The following LRBA variants were observed in gnomAD, a reference collection of about 807,000 sequenced individuals.
LRBA encodes LPS responsive beige-like anchor protein.
Under a neutral mutation model 330.0 loss-of-function variants are expected in LRBA, and 176 were observed. The observed-to-expected ratio is 0.53, with a 90% CI of 0.47 to 0.60. LRBA has a LOEUF of 0.60. Ranked by LOEUF, LRBA falls within the 20% of genes least tolerant of loss-of-function variation. The pLI is 0.00. For missense variants in LRBA, 3,259 were observed against 3,444.8 expected (o/e 0.95, Z 1.35); for synonymous variants, 1,230 against 1,193.0 (o/e 1.03, Z -0.64).
intron 41 of LRBA, 32 bp from the exon 42 acceptor site, chr4:150,487,866 CA>C (rs1340400900): frequency 8.1e-7 from 1 of 1,235,244 alleles, no homozygotes; most frequent in African/African-American, 1.5e-5. Context: ...AATTAGAACA[CA>C]GTATAACTTC....
At chr4:150,735,625 T>C (rs915128551) in intron 35 of LRBA, among the ~76,000 whole-genome samples, 2 of 152,218 alleles carry the variant, frequency 1.3e-5, no homozygotes, top group Admixed American at 6.5e-5. Context: ...AAGTTGTGTT[T>C]TAATCTTTTA....
chr4:150,959,125 G>A (rs528757572), intron 2 of LRBA, among the ~76,000 whole-genome samples: 2 of 149,464 alleles, frequency 1.3e-5, no homozygotes, highest in South Asian at 2.1e-4. Context: ...GAGGATTAAC[G>A]GACTCACAGT....
At chr4:150,434,368 C>T (rs550981551) in intron 46 of LRBA, among the ~76,000 whole-genome samples, 1 of 152,220 alleles carries the variant, frequency 6.6e-6, no homozygotes, top group African/African-American at 2.4e-5. Flanking sequence ...ATCTTTCATG[C>T]ATATAGATAG....
At chr4:150,942,808 ACTAT>A (rs1386482463) in intron 2 of LRBA, among the ~76,000 whole-genome samples, 2 of 152,150 alleles carry the variant, frequency 1.3e-5, no homozygotes, top group African/African-American at 2.4e-5. Flanking sequence ...TACAAATCAG[ACTAT>A]CTGACTCATA....
At chr4:150,639,767 A>ATGTG (rs1477879841) in intron 37 of LRBA, among the ~76,000 whole-genome samples, 98 of 6,756 alleles carry the variant, frequency 0.015, 6 homozygotes, top group African/African-American at 0.036. Flanking sequence ...ATATATATAT[A>ATGTG]TATATATATA....
chr4:150,443,615 C>A (rs995236993), intron 44 of LRBA, among the ~76,000 whole-genome samples: 1 of 151,860 alleles, frequency 6.6e-6, no homozygotes, highest in Non-Finnish European at 1.5e-5. Flanking sequence ...CCAAACACCG[C>A]ATGTTCTCAC....
intron 56 of LRBA, among the ~76,000 whole-genome samples, chr4:150,273,339 AC>A (rs1239938100): frequency 2.0e-5 from 3 of 152,168 alleles, no homozygotes; most frequent in African/African-American, 7.2e-5. Context: ...AACAACCGGT[AC>A]CAGCCACTAT....
chr4:150,859,036 T>C (rs775938897), intron 22 of LRBA, among the ~76,000 whole-genome samples: 1 of 152,206 alleles, frequency 6.6e-6, no homozygotes, highest in Non-Finnish European at 1.5e-5. Context: ...GTACAGTGAC[T>C]GAAATGTATA....
chr4:150,429,868 T>A (rs1750141234), intron 46 of LRBA, among the ~76,000 whole-genome samples: 1 of 152,148 alleles, frequency 6.6e-6, no homozygotes, highest in Admixed American at 6.6e-5. Flanking sequence ...ATATGCTAAC[T>A]AAAGAACTAT....
chr4:150,889,982 AAAAAT>A (rs1354722469), intron 17 of LRBA, among the ~76,000 whole-genome samples: 1 of 152,202 alleles, frequency 6.6e-6, no homozygotes, highest in Non-Finnish European at 1.5e-5. Flanking sequence ...ATAAAATAGA[AAAAAT>A]AAAAATGAAT....
chr4:150,946,734 A>G (rs1465120427), intron 2 of LRBA, among the ~76,000 whole-genome samples: 2 of 152,124 alleles, frequency 1.3e-5, no homozygotes, highest in Non-Finnish European at 2.9e-5. Flanking sequence ...GAAGGAAATA[A>G]TAAAGACAAA....
At chr4:150,801,845 C>T (rs1248238911) in intron 33 of LRBA, among the ~76,000 whole-genome samples, 1 of 151,848 alleles carries the variant, frequency 6.6e-6, no homozygotes. Flanking sequence ...AAAGTTTTTG[C>T]CCCATTGAGA....
At chr4:150,380,547 T>C (rs1742053350) in intron 47 of LRBA, among the ~76,000 whole-genome samples, 1 of 151,228 alleles carries the variant, frequency 6.6e-6, no homozygotes, top group Admixed American at 6.6e-5. Flanking sequence ...ACTGGAACAC[T>C]AAAAGTTTGA....
chr4:150,592,397 G>A (rs1036697466), intron 38 of LRBA, among the ~76,000 whole-genome samples: 4 of 151,234 alleles, frequency 2.6e-5, no homozygotes, highest in South Asian at 4.2e-4. Flanking sequence ...TATTTATTGC[G>A]AATTCACCAT....
At chr4:150,862,230 G>A (rs77911994) in intron 22 of LRBA, among the ~76,000 whole-genome samples, 6 of 152,278 alleles carry the variant, frequency 3.9e-5, no homozygotes, top group Admixed American at 1.3e-4. Context: ...ACATGCACAC[G>A]TATGTTTATT....
intron 36 of LRBA, among the ~76,000 whole-genome samples, chr4:150,712,589 C>T (rs1786329641): frequency 1.3e-5 from 2 of 152,234 alleles, no homozygotes; most frequent in Non-Finnish European, 2.9e-5. Context: ...TCAGAAAATT[C>T]CTTAACTTGT....
chr4:150,921,400 G>A, intron 4 of LRBA, 107 bp from the exon 5 acceptor site: 1 of 678,638 alleles, frequency 1.5e-6, no homozygotes, highest in Non-Finnish European at 2.6e-6. Flanking sequence ...AATGCTATAA[G>A]GTTAAAAGCA....
intron 37 of LRBA, among the ~76,000 whole-genome samples, chr4:150,636,693 G>A (rs1777949017): frequency 6.6e-6 from 1 of 152,176 alleles, no homozygotes; most frequent in South Asian, 2.1e-4. Flanking sequence ...TTATTGCCCA[G>A]CTGGAGTGCA....
At chr4:150,424,147 T>G (rs1749219942) in intron 46 of LRBA, among the ~76,000 whole-genome samples, 2 of 152,146 alleles carry the variant, frequency 1.3e-5, no homozygotes, top group African/African-American at 2.4e-5. Flanking sequence ...AAACTAATAG[T>G]GAGGAGAGAG....
Sources: gnomAD v4.1 joint callset for allele counts (sites outside exome capture counted in the v4.1 genomes callset) on GRCh38, gnomAD v4.1.1 for gene constraint, MANE v1.5 for transcripts, NCBI Gene and HGNC (gene_info 2026-07-23, HGNC 2026-07-21) for gene names.